The following KCNQ5 variants were observed in gnomAD, a reference collection of about 807,000 sequenced individuals.
KCNQ5 encodes potassium voltage-gated channel subfamily KQT member 5.
A neutral mutation model predicts 98.2 loss-of-function variants in KCNQ5; 30 were observed. The observed-to-expected ratio is 0.31, with a 90% CI of 0.23 to 0.41. The LOEUF (loss-of-function observed/expected upper bound fraction) is 0.41. Among genes scored for constraint, KCNQ5 ranks in the 10% least tolerant of loss-of-function variants. The probability of loss-of-function intolerance (pLI) is 1.00; values close to 1 mark genes in which losing one functional copy is unlikely to be tolerated. For missense variants in KCNQ5, 835 were observed against 1,182.5 expected, an observed-to-expected ratio of 0.71 and a Z score of 4.31; for synonymous variants, 458 against 449.4, an observed-to-expected ratio of 1.02 and a Z score of -0.24.
chr6:73,162,574 G>A (rs1238389092), intron 10 of KCNQ5, among the ~76,000 whole-genome samples: 1 of 152,264 alleles, frequency 6.6e-6, no homozygotes, highest in African/African-American at 2.4e-5. Flanking sequence ...GAGAACAGAG[G>A]GCCAGCCTCA....
intron 1 of KCNQ5, among the ~76,000 whole-genome samples, chr6:72,818,774 A>C (rs1775619958): frequency 6.6e-6 from 1 of 151,166 alleles, no homozygotes; most frequent in Admixed American, 6.6e-5. Flanking sequence ...ATTTAATTTA[A>C]ATTTTTAAGT....
chr6:72,894,416 G>A (rs1779168450), intron 1 of KCNQ5, among the ~76,000 whole-genome samples: 1 of 152,178 alleles, frequency 6.6e-6, no homozygotes, highest in South Asian at 2.1e-4. Context: ...CAACTTGAGT[G>A]GCATTGAGCT....
intron 5 of KCNQ5, among the ~76,000 whole-genome samples, chr6:73,096,982 G>A (rs149323718): frequency 1.6e-4 from 25 of 152,042 alleles, no homozygotes; most frequent in South Asian, 4.2e-4. Flanking sequence ...GGCAGTTTGC[G>A]GTAAGCTGAG....
At chr6:72,941,979 T>A (rs1341282480) in intron 1 of KCNQ5, among the ~76,000 whole-genome samples, 2 of 152,164 alleles carry the variant, frequency 1.3e-5, no homozygotes, top group African/African-American at 4.8e-5. Flanking sequence ...TGAAACACCA[T>A]GCCTGTGAGA....
At chr6:72,981,391 G>T (rs890970866) in intron 1 of KCNQ5, among the ~76,000 whole-genome samples, 1 of 152,138 alleles carries the variant, frequency 6.6e-6, no homozygotes, top group Non-Finnish European at 1.5e-5. Context: ...TCTTGGGAGG[G>T]TGTATATGTA....
At chr6:72,899,027 G>GT (rs934427294) in intron 1 of KCNQ5, among the ~76,000 whole-genome samples, 18 of 151,974 alleles carry the variant, frequency 1.2e-4, no homozygotes, top group African/African-American at 3.4e-4. Flanking sequence ...AGGGTTCTTT[G>GT]TTTTTTTCTT....
chr6:72,809,166 C>T lies in KCNQ5; in HGVS notation c.398+186579C>T, dbSNP rs541123937. ...AACAAAAAACCAAACACCGCATATT[C>T]TCACTCATAGGTGGGAATTGAACAA... On this transcript the variant is annotated intron_variant, in intron 1 of 13. Coordinates refer to ENST00000370398, the MANE Select transcript of KCNQ5 (RefSeq NM_019842.4). 1.9e-3 allele frequency among the ~76,000 whole-genome samples: 278 copies of T among 144,846 alleles called. 2 individuals are homozygous for T. Among genetic ancestry groups the T allele is most frequent in the African/African-American group, 6.9e-3 (268 of 38,690 alleles).
chr6:73,048,778 A>T (rs1772085215), intron 3 of KCNQ5, among the ~76,000 whole-genome samples: 1 of 152,150 alleles, frequency 6.6e-6, no homozygotes, highest in African/African-American at 2.4e-5. Context: ...ATTGTTTTTT[A>T]AAATGTTATT....
chr6:72,886,291 AACT>A (rs1778839277), intron 1 of KCNQ5, among the ~76,000 whole-genome samples: 1 of 152,186 alleles, frequency 6.6e-6, no homozygotes, highest in Admixed American at 6.6e-5. Context: ...GAATGAATAT[AACT>A]CATGGAAATT....
Position 73,038,269 on chromosome 6 carries a change from T to C in KCNQ5, c.490-3667T>C, listed in dbSNP as rs146861510. Among the ~76,000 whole-genome samples, 825 of 152,158 alleles carry C rather than the reference T, an allele frequency of 5.4e-3. 10 individuals are homozygous for C. Among genetic ancestry groups the C allele is most frequent in the African/African-American group, 0.019 (790 of 41,540 alleles). ...CTCACTTGTTTCAAGAGTGTCTTCGTAGATTTCTTGGGATTTTTCTGTAGA... is the reference window on the plus strand; with the variant it reads ...CTCACTTGTTTCAAGAGTGTCTTCGCAGATTTCTTGGGATTTTTCTGTAGA... On this transcript the variant is annotated intron_variant, in intron 2 of 13. Transcript: ENST00000370398.
intron 6 of KCNQ5, among the ~76,000 whole-genome samples, chr6:73,109,104 G>A (rs1467603628): frequency 3.3e-5 from 5 of 152,180 alleles, no homozygotes; most frequent in African/African-American, 7.2e-5. Context: ...TTGGAAAGGA[G>A]CCATGATGAG....
chr6:72,708,878 G>T (rs1008349223), intron 1 of KCNQ5, among the ~76,000 whole-genome samples: 2 of 152,034 alleles, frequency 1.3e-5, no homozygotes, highest in Non-Finnish European at 2.9e-5. Flanking sequence ...ATGGCAATAG[G>T]TGTAACTACT....
chr6:73,156,583 C>T (rs940582123), intron 10 of KCNQ5, among the ~76,000 whole-genome samples: 4 of 152,178 alleles, frequency 2.6e-5, no homozygotes, highest in African/African-American at 9.7e-5. Flanking sequence ...CGAGATCACA[C>T]CATTGCACTC....
chr6:73,119,158 A>G (rs1252807766), intron 7 of KCNQ5, among the ~76,000 whole-genome samples: 1 of 152,264 alleles, frequency 6.6e-6, no homozygotes, highest in African/African-American at 2.4e-5. Flanking sequence ...CTCATTAAAA[A>G]GAAAGAAATT....
At chr6:73,072,541 T>C (rs1400345335) in intron 3 of KCNQ5, among the ~76,000 whole-genome samples, 1 of 152,218 alleles carries the variant, frequency 6.6e-6, no homozygotes, top group Admixed American at 6.5e-5. Context: ...TAACACCTTT[T>C]AGACAGGGTC....
At chr6:73,104,581 A>T (rs1212273229) in intron 5 of KCNQ5, among the ~76,000 whole-genome samples, 1 of 152,070 alleles carries the variant, frequency 6.6e-6, no homozygotes, top group African/African-American at 2.4e-5. Flanking sequence ...CACCTTCTTT[A>T]TCATTTCTGC....
intron 1 of KCNQ5, among the ~76,000 whole-genome samples, chr6:72,906,353 T>C (rs1358003719): frequency 2.6e-5 from 4 of 152,222 alleles, no homozygotes; most frequent in Non-Finnish European, 5.9e-5. Flanking sequence ...AGGACATTAG[T>C]TCTTCCCCTG....
At chr6:72,979,457 G>A (rs1161753844) in intron 1 of KCNQ5, among the ~76,000 whole-genome samples, 1 of 152,124 alleles carries the variant, frequency 6.6e-6, no homozygotes, top group East Asian at 1.9e-4. Context: ...GTGTCTGTTG[G>A]CTGCATAAAT....
intron 1 of KCNQ5, among the ~76,000 whole-genome samples, chr6:72,688,600 T>C (rs768320474): frequency 1.3e-5 from 2 of 152,226 alleles, no homozygotes; most frequent in South Asian, 2.1e-4. Flanking sequence ...TGTTGATTTC[T>C]CTCAGCAATG....
Sources: allele counts gnomAD v4.1 joint callset (sites outside exome capture counted in the v4.1 genomes callset), GRCh38; gene constraint gnomAD v4.1.1; transcripts MANE v1.5; gene names NCBI Gene and HGNC (gene_info 2026-07-23, HGNC 2026-07-21).